The following MAGI1 variants were observed in gnomAD, a reference collection of about 807,000 sequenced individuals.
The protein encoded by MAGI1 is membrane associated guanylate kinase, WW and PDZ domain containing 1.
A neutral mutation model predicts 139.9 loss-of-function variants in MAGI1; 58 were observed. The observed-to-expected ratio is 0.41, with a 90% CI of 0.34 to 0.52. MAGI1 has a LOEUF of 0.52. MAGI1 is among the 20% of genes least tolerant of loss of function. The pLI, the probability that MAGI1 is intolerant of heterozygous loss-of-function variation, is 0.12. For missense variants in MAGI1, 1,874 were observed against 1,901.6 expected, an observed-to-expected ratio of 0.99 and a Z score of 0.27; for synonymous variants, 812 against 737.9, an observed-to-expected ratio of 1.10 and a Z score of -1.63.
intron 1 of MAGI1, among the ~76,000 whole-genome samples, chr3:65,722,699 G>T (rs989282168): frequency 6.7e-6 from 1 of 150,056 alleles, no homozygotes; most frequent in Non-Finnish European, 1.5e-5. Flanking sequence ...TGATAACAAA[G>T]ACTAAATTTT....
At chr3:65,665,675 T>C (rs1360625102) in intron 1 of MAGI1, among the ~76,000 whole-genome samples, 3 of 152,280 alleles carry the variant, frequency 2.0e-5, no homozygotes, top group Non-Finnish European at 2.9e-5. Context: ...GGTGACCTTA[T>C]ACAACATAAC....
At chr3:65,393,042 C>T (rs1318651981) in intron 13 of MAGI1, among the ~76,000 whole-genome samples, 1 of 152,176 alleles carries the variant, frequency 6.6e-6, no homozygotes, top group East Asian at 1.9e-4. Context: ...TGGGAACAAA[C>T]ACCATCATAA....
chr3:65,946,130 C>T (rs2106891418), intron 1 of MAGI1, among the ~76,000 whole-genome samples: 1 of 152,298 alleles, frequency 6.6e-6, no homozygotes, highest in Non-Finnish European at 1.5e-5. Context: ...GGGTGGCCAC[C>T]GAGGGTATCT....
chr3:66,034,151 C>CCCCCCAA (rs1311623953), intron 1 of MAGI1, among the ~76,000 whole-genome samples: 1 of 151,944 alleles, frequency 6.6e-6, no homozygotes, highest in African/African-American at 2.4e-5. Flanking sequence ...GTTACCCCAC[C>CCCCCCAA]CCCCAACCCC....
Position 65,379,387 on chromosome 3 carries a change from CGCCGCCGCCACT to C in MAGI1, c.2857_2868del (p.Ser953_Gly956del). The C allele has an allele frequency of 6.2e-7, 1 of 1,612,552 alleles. No homozygotes were observed. The highest frequency in any genetic ancestry group is 8.5e-7 in the Non-Finnish European group (1 of 1,179,156). On this transcript the variant is annotated inframe_deletion, in exon 17 of 23. Coordinates refer to ENST00000402939, the MANE Select transcript of MAGI1 (RefSeq NM_001033057.2). ...ACGGTGCTGACCACGCCGCTGCCCC[CGCCGCCGCCACT>C]GCCGATGCCGCTGGTGCTGCCGCTG...
At position 66,038,449 on chromosome 3, in the gene MAGI1, G is replaced by T; in HGVS notation, c.-141C>A. The T allele has an allele frequency of 8.3e-7, 1 of 1,199,160 alleles. No homozygotes were observed. The highest frequency in any genetic ancestry group is 1.7e-5 in the South Asian group (1 of 59,460). 74.3% of individuals were successfully genotyped at this position (1,199,160 alleles called of 1,614,324 possible). On this transcript the variant is annotated 5_prime_UTR_variant, in exon 1 of 23. Transcript: ENST00000402939. ...CAGGAGAGAGAAACTTGGCAGCCTCGCTCCCCTGCACACGCTCGCGCACTC... is the reference window on the plus strand; with the variant it reads ...CAGGAGAGAGAAACTTGGCAGCCTCTCTCCCCTGCACACGCTCGCGCACTC...
intron 1 of MAGI1, among the ~76,000 whole-genome samples, chr3:65,870,786 G>C (rs2059912200): frequency 6.6e-6 from 1 of 151,878 alleles, no homozygotes; most frequent in African/African-American, 2.4e-5. Flanking sequence ...TCCTACAAGT[G>C]TGAAAAGATA....
chr3:65,505,129 G>C (rs2077230666), intron 2 of MAGI1, among the ~76,000 whole-genome samples: 2 of 152,108 alleles, frequency 1.3e-5, no homozygotes, highest in African/African-American at 2.4e-5. Flanking sequence ...AAGGGGATGA[G>C]AGCAGATAGA....
intron 1 of MAGI1, among the ~76,000 whole-genome samples, chr3:65,894,355 C>T (rs1057055215): frequency 6.6e-6 from 1 of 152,190 alleles, no homozygotes; most frequent in Non-Finnish European, 1.5e-5. Context: ...TCCATTACAT[C>T]ATATTTATAA....
chr3:65,805,402 C>CA (rs2040789274), intron 1 of MAGI1, among the ~76,000 whole-genome samples: 1 of 152,300 alleles, frequency 6.6e-6, no homozygotes, highest in South Asian at 2.1e-4. Context: ...CATCTTATGC[C>CA]AGTCAGAATG....
chr3:65,753,551 A>T (rs1411612620), intron 1 of MAGI1, among the ~76,000 whole-genome samples: 2 of 152,016 alleles, frequency 1.3e-5, no homozygotes, highest in East Asian at 3.9e-4. Flanking sequence ...GTGAAACCCC[A>T]TCTCTACTAA....
intron 1 of MAGI1, among the ~76,000 whole-genome samples, chr3:65,981,682 C>A (rs2065590317): frequency 6.6e-6 from 1 of 152,102 alleles, no homozygotes; most frequent in African/African-American, 2.4e-5. Flanking sequence ...GGGGTGGTTT[C>A]CCCCATATTG....
At chr3:65,458,640 CA>C (rs1196086196) in intron 5 of MAGI1, among the ~76,000 whole-genome samples, 1 of 152,090 alleles carries the variant, frequency 6.6e-6, no homozygotes, top group Non-Finnish European at 1.5e-5. Flanking sequence ...ATCTTTCCCC[CA>C]TTTTTCAATC....
chr3:65,849,001 CTTTTTTTTTTTTTTTTTTTTTT>C (rs558270441), intron 1 of MAGI1, among the ~76,000 whole-genome samples: 563 of 39,658 alleles, frequency 0.014, 11 homozygotes, highest in African/African-American at 0.05. Context: ...TCAGAGCATT[CTTTTTTTTTTTTTTTTTTTTTT>C]TTTTTTTTTT....
chr3:65,490,781 G>C (rs1969445), intron 3 of MAGI1, among the ~76,000 whole-genome samples: 1 of 145,732 alleles, frequency 6.9e-6, no homozygotes, highest in Non-Finnish European at 1.5e-5. Context: ...GAGGGGGAGG[G>C]TGCAGTGAGC....
chr3:65,684,868 A>ATTTTTTTT (rs761948943), intron 1 of MAGI1, among the ~76,000 whole-genome samples: 2 of 98,174 alleles, frequency 2.0e-5, no homozygotes, highest in African/African-American at 1.1e-4. Flanking sequence ...CACCTGGCTA[A>ATTTTTTTT]TTTTTTTTTT....
At chr3:65,767,278 T>C (rs2037564436) in intron 1 of MAGI1, among the ~76,000 whole-genome samples, 1 of 152,016 alleles carries the variant, frequency 6.6e-6, no homozygotes, top group African/African-American at 2.4e-5. Flanking sequence ...ATAGTATCTC[T>C]TTCTGACTCA....
intron 3 of MAGI1, among the ~76,000 whole-genome samples, chr3:65,482,626 T>C (rs767128693): frequency 6.6e-6 from 1 of 152,200 alleles, no homozygotes; most frequent in Non-Finnish European, 1.5e-5. Flanking sequence ...AAATATGAGA[T>C]AGTGTTATAA....
intron 5 of MAGI1, among the ~76,000 whole-genome samples, chr3:65,463,558 A>ATATGTGTGTGTG: frequency 7.1e-6 from 1 of 140,838 alleles, no homozygotes; most frequent in Admixed American, 7.1e-5. Context: ...TTGGCCTGAA[A>ATATGTGTGTGTG]TGTGTGTGTG....
Sources: gnomAD v4.1 joint callset for allele counts (sites outside exome capture counted in the v4.1 genomes callset) on GRCh38, gnomAD v4.1.1 for gene constraint, MANE v1.5 for transcripts, NCBI Gene and HGNC (gene_info 2026-07-23, HGNC 2026-07-21) for gene names.